The following COA8 variants were observed in gnomAD, a reference collection of about 807,000 sequenced individuals.
COA8 encodes UPF0671 protein C14orf153.
Under a neutral mutation model 22.0 loss-of-function variants are expected in COA8, and 20 were observed. That is an observed-to-expected ratio of 0.91 (90% confidence interval 0.64 to 1.32). The LOEUF is 1.32. Ranked by LOEUF, COA8 falls within the 40% of genes most tolerant of loss-of-function variation. The probability of loss-of-function intolerance (pLI) is 0.00; values close to 1 mark genes in which losing one functional copy is unlikely to be tolerated. For synonymous variants in COA8, 105 were observed against 79.9 expected, an observed-to-expected ratio of 1.31 and a Z score of -1.68; for missense variants, 266 against 230.0, an observed-to-expected ratio of 1.16 and a Z score of -1.01.
intron 3 of COA8, chr14:103,574,784 G>A (rs972819657): frequency 1.4e-5 from 4 of 276,978 alleles, no homozygotes; most frequent in African/African-American, 4.5e-5. Flanking sequence ...GGGGTCTTGC[G>A]GGCCCTGGAG....
At chr14:103,582,059 G>A (rs1016619872) in intron 3 of COA8, among the ~76,000 whole-genome samples, 2 of 152,196 alleles carry the variant, frequency 1.3e-5, no homozygotes, top group Non-Finnish European at 2.9e-5. Flanking sequence ...AGTCTGCCGG[G>A]GAGGCTAGCG....
At chr14:103,571,579 G>C in intron 1 of COA8, 44 bp from the exon 2 acceptor site, 1 of 1,484,948 alleles carries the variant, frequency 6.7e-7, no homozygotes. Context: ...TATAATACTA[G>C]AGATTCATTT....
Position 103,581,484 on chromosome 14 carries a change from A to G in COA8, c.386-5790A>G. 2.5e-6 allele frequency: 1 copy of G among 394,892 alleles called. No individual in the cohort carries two copies. 24.5% of individuals were successfully genotyped at this position (394,892 alleles called of 1,614,324 possible). On this transcript the variant is annotated intron_variant, in intron 3 of 4. Coordinates refer to ENST00000409074, the MANE Select transcript of COA8 (RefSeq NM_001370595.2). The surrounding 1 kb of genome is among the most constrained non-coding windows in gnomAD (Gnocchi z 4.1). ...GGGCTGGTCGGAGTAGGACCTTGGGAGGTTTCATCACGCTACTCAGAACAG... is the reference window on the plus strand; with the variant it reads ...GGGCTGGTCGGAGTAGGACCTTGGGGGGTTTCATCACGCTACTCAGAACAG...
intron 3 of COA8, among the ~76,000 whole-genome samples, chr14:103,580,030 A>G (rs932791501): frequency 1.3e-5 from 2 of 151,938 alleles, no homozygotes; most frequent in Middle Eastern, 3.4e-3. Context: ...ATTAGGTATC[A>G]TAAGTAATCC....
At chr14:103,587,471 G>A in intron 4 of COA8, 107 bp downstream of exon 4, 1 of 537,574 alleles carries the variant, frequency 1.9e-6, no homozygotes, top group Middle Eastern at 4.6e-4. Flanking sequence ...AGAGGTAGAA[G>A]TTGCAAGACT....
intron 1 of COA8, among the ~76,000 whole-genome samples, chr14:103,570,935 T>G (rs2076179335): frequency 6.6e-6 from 1 of 152,194 alleles, no homozygotes; most frequent in South Asian, 2.1e-4. Flanking sequence ...TCCTCCTGCA[T>G]GCCGAGTGGC....
chr14:103,562,966 C>T lies in COA8; in HGVS notation c.-36C>T, dbSNP rs1480167243. 2.0e-6 allele frequency: 3 copies of T among 1,494,506 alleles called. No individual in the cohort carries two copies. The highest frequency in any genetic ancestry group is 2.5e-5 in the East Asian group (1 of 39,820). The allele number at this position is 1,494,506 out of a possible 1,614,324, so 92.6% of individuals were successfully genotyped here. On this transcript the variant is annotated 5_prime_UTR_variant, in exon 1 of 5. Coordinates refer to ENST00000409074, the MANE Select transcript of COA8 (RefSeq NM_001370595.2). ...AGCGGCCCCTCGCGCCGTCGCAATG[C>T]TGCCGTGCGCCGCGGGAGCCAGGGG...
intron 1 of COA8, chr14:103,567,328 G>C (rs1249338830): frequency 2.7e-5 from 4 of 146,776 alleles, no homozygotes; most frequent in Admixed American, 6.8e-5. Context: ...AGCCAAGATC[G>C]CGCCACTGCA....
At chr14:103,582,532 A>T (rs1422529317) in intron 3 of COA8, among the ~76,000 whole-genome samples, 1 of 152,156 alleles carries the variant, frequency 6.6e-6, no homozygotes, top group African/African-American at 2.4e-5. Flanking sequence ...CTGTTAACCT[A>T]GGATGCATTC....
intron 3 of COA8, among the ~76,000 whole-genome samples, chr14:103,576,314 A>G (rs2076230131): frequency 6.9e-6 from 1 of 144,814 alleles, no homozygotes; most frequent in Non-Finnish European, 1.5e-5. Flanking sequence ...TCAAAAAAAT[A>G]AAAAAAGAAA....
intron 1 of COA8, among the ~76,000 whole-genome samples, chr14:103,569,552 G>A (rs951916688): frequency 7.7e-4 from 118 of 152,348 alleles, no homozygotes; most frequent in African/African-American, 2.5e-3. Flanking sequence ...GAGCCTGTGA[G>A]CAGAAAAGAG....
At chr14:103,566,142 C>T (rs574650590) in intron 1 of COA8, among the ~76,000 whole-genome samples, 4 of 152,176 alleles carry the variant, frequency 2.6e-5, no homozygotes, top group African/African-American at 7.2e-5. Flanking sequence ...TAAGAGTGAT[C>T]CGGCCAGGCA....
chr14:103,582,565 C>T (rs926674200), intron 3 of COA8, among the ~76,000 whole-genome samples: 17 of 152,150 alleles, frequency 1.1e-4, no homozygotes, highest in African/African-American at 3.1e-4. Context: ...ATTTCATTCC[C>T]GTGTAGCGGT....
In COA8 at chr14:103,587,266, C is replaced by A. The variant is rs2076314631; in HGVS notation, c.386-8C>A. On this transcript the variant is annotated splice_region_variant and splice_polypyrimidine_tract_variant and intron_variant, in intron 3 of 4. Coordinates refer to ENST00000409074, the MANE Select transcript of COA8 (RefSeq NM_001370595.2). ...AGTCTTAATGTTTAAGCTGAAATTA[C>A]CTTTCAGGTCAGAAAGCAACATTGA... The A allele has an allele frequency of 1.9e-6, 3 of 1,607,394 alleles. No individual in the cohort carries two copies. The highest frequency in any genetic ancestry group is 4.5e-5 in the East Asian group (2 of 44,774).
At chr14:103,563,454 CG>C (rs1334775467) in intron 1 of COA8, 19 of 448,690 alleles carry the variant, frequency 4.2e-5, no homozygotes, top group Non-Finnish European at 4.6e-5. Context: ...GCTTACCGTG[CG>C]TTTTTTTTCG....
At chr14:103,582,737 CTTTTTT>C (rs61102383) in intron 3 of COA8, among the ~76,000 whole-genome samples, 3 of 120,938 alleles carry the variant, frequency 2.5e-5, no homozygotes, top group Non-Finnish European at 4.9e-5. Flanking sequence ...TTCACCCTGC[CTTTTTT>C]TTTTTTTTTT....
intron 4 of COA8, among the ~76,000 whole-genome samples, chr14:103,588,857 A>T (rs2076330446): frequency 6.6e-6 from 1 of 152,130 alleles, no homozygotes; most frequent in African/African-American, 2.4e-5. Flanking sequence ...GAGAATATAG[A>T]TACAGTCAAA....
chr14:103,569,814 TAATA>T (rs1217156928), intron 1 of COA8, among the ~76,000 whole-genome samples: 2 of 152,192 alleles, frequency 1.3e-5, no homozygotes, highest in Non-Finnish European at 2.9e-5. Flanking sequence ...AGGAAAAAAA[TAATA>T]AAAGTCAACA....
Position 103,563,128 on chromosome 14 carries a change from A to G in COA8, c.123+4A>G, listed in dbSNP as rs1473291433. On this transcript the variant is annotated splice_donor_region_variant and intron_variant, in intron 1 of 4. Transcript: ENST00000409074. ...CAGGGATACGGCGCCCAGCGGGGTAAGCAGGGGCCTGGGGACATTGGGCCG... is the reference window on the plus strand; with the variant it reads ...CAGGGATACGGCGCCCAGCGGGGTAGGCAGGGGCCTGGGGACATTGGGCCG... The G allele has an allele frequency of 6.5e-7, 1 of 1,540,214 alleles. No homozygotes were observed. The highest frequency in any genetic ancestry group is 2.4e-5 in the East Asian group (1 of 41,482).
Sources: allele counts gnomAD v4.1 joint callset (sites outside exome capture counted in the v4.1 genomes callset), GRCh38; gene constraint gnomAD v4.1.1; non-coding constraint Gnocchi (gnomAD v3.1); transcripts MANE v1.5; gene names NCBI Gene and HGNC (gene_info 2026-07-23, HGNC 2026-07-21).